Variants in SLX4IP observed in about 807,000 individuals in gnomAD.
SLX4IP encodes SLX4 interacting protein.
SLX4IP carries 34 observed loss-of-function variants against 32.9 expected under a neutral mutation model. The ratio of observed to expected loss-of-function variants is 1.03; its 90% CI spans 0.79 to 1.38. The LOEUF is 1.38. Ranked by LOEUF, SLX4IP falls within the 40% of genes most tolerant of loss-of-function variation. SLX4IP has a pLI of 0.00. For missense variants in SLX4IP, 444 were observed against 479.0 expected (o/e 0.93, Z 0.68); for synonymous variants, 172 against 171.7 (o/e 1.00, Z -0.01).
Position 10,556,304 on chromosome 20 carries a change from C to T in SLX4IP, c.101C>T (p.Ser34Phe). ...TCAAACAAAGATACAAGCTGGTTTT[C>T]TGAACAGAAGAAAGAGGTACAACAA... ...QGSNKDTSWF[S>F]EQKKEEVCLL... The change falls in exon 3 of 8, where the codon TCT (serine) becomes TTT (phenylalanine). Residue 34 changes from serine (S) to phenylalanine (F), a missense_variant. Ser to Phe is a radical substitution (Grantham distance 155, BLOSUM62 -2). Coordinates refer to ENST00000334534, the MANE Select transcript of SLX4IP (RefSeq NM_001009608.3). 1 of 1,613,200 alleles carries T rather than the reference C, an allele frequency of 6.2e-7. No homozygotes were observed. The highest frequency in any genetic ancestry group is 1.3e-5 in the African/African-American group (1 of 74,966).
intron 3 of SLX4IP, among the ~76,000 whole-genome samples, chr20:10,559,717 A>G (rs2066309456): frequency 6.6e-6 from 1 of 152,232 alleles, no homozygotes; most frequent in African/African-American, 2.4e-5. Flanking sequence ...ACACCAAAAC[A>G]ATAAAACAAT....
intron 1 of SLX4IP, among the ~76,000 whole-genome samples, chr20:10,447,563 T>C (rs372610606): frequency 6.6e-6 from 1 of 152,190 alleles, no homozygotes; most frequent in African/African-American, 2.4e-5. Flanking sequence ...TTTCTACTGG[T>C]TCATCATTAA....
At chr20:10,539,954 A>G (rs2066084944) in intron 2 of SLX4IP, among the ~76,000 whole-genome samples, 1 of 152,330 alleles carries the variant, frequency 6.6e-6, no homozygotes, top group Admixed American at 6.5e-5. Context: ...CTAGACCAGC[A>G]GCATCAGCAT....
chr20:10,588,738 G>T (rs1228431457), intron 4 of SLX4IP, among the ~76,000 whole-genome samples: 2 of 152,160 alleles, frequency 1.3e-5, no homozygotes, highest in Non-Finnish European at 2.9e-5. Flanking sequence ...AATGATGATT[G>T]CCAGAGGCAG....
At chr20:10,596,510 T>A (rs1207936498) in intron 4 of SLX4IP, among the ~76,000 whole-genome samples, 1 of 152,190 alleles carries the variant, frequency 6.6e-6, no homozygotes, top group Non-Finnish European at 1.5e-5. Flanking sequence ...GTTACAGGCA[T>A]GAGCACCACA....
chr20:10,598,815 A>G (rs2066806380), intron 5 of SLX4IP, 63 bp downstream of exon 5: 1 of 1,528,788 alleles, frequency 6.5e-7, no homozygotes. Flanking sequence ...TAGATAGAGA[A>G]GGGATGAAAA....
chr20:10,503,519 G>A (rs1255341047), intron 2 of SLX4IP, among the ~76,000 whole-genome samples: 1 of 152,218 alleles, frequency 6.6e-6, no homozygotes, highest in African/African-American at 2.4e-5. Flanking sequence ...GCTTTTGCAA[G>A]CAGCTTTGCT....
intron 4 of SLX4IP, among the ~76,000 whole-genome samples, chr20:10,597,277 C>A (rs183144674): frequency 2.6e-5 from 4 of 152,356 alleles, no homozygotes; most frequent in African/African-American, 9.6e-5. Context: ...ACCCTCACCC[C>A]ACTCTGGTGG....
chr20:10,543,492 G>A (rs1002298854), intron 2 of SLX4IP, among the ~76,000 whole-genome samples: 3 of 152,186 alleles, frequency 2.0e-5, no homozygotes, highest in African/African-American at 4.8e-5. Context: ...ACTGATGAAA[G>A]TGCAGATGGA....
At chr20:10,508,479 G>C (rs2065777999) in intron 2 of SLX4IP, among the ~76,000 whole-genome samples, 1 of 152,170 alleles carries the variant, frequency 6.6e-6, no homozygotes, top group Non-Finnish European at 1.5e-5. Context: ...TGATCCTGAA[G>C]TATCTCACAG....
intron 2 of SLX4IP, among the ~76,000 whole-genome samples, chr20:10,474,736 C>T (rs574837587): frequency 3.3e-5 from 5 of 152,324 alleles, no homozygotes; most frequent in Non-Finnish European, 7.4e-5. Context: ...GCCAAACTTC[C>T]GAAGTGAAAA....
At chr20:10,555,029 A>G (rs1012000024) in intron 2 of SLX4IP, among the ~76,000 whole-genome samples, 22 of 152,260 alleles carry the variant, frequency 1.4e-4, no homozygotes, top group African/African-American at 5.3e-4. Context: ...TATTCCAAAG[A>G]TCAGGAAGAT....
chr20:10,524,954 A>T (rs1568723778), intron 2 of SLX4IP, among the ~76,000 whole-genome samples: 1 of 152,104 alleles, frequency 6.6e-6, no homozygotes, highest in African/African-American at 2.4e-5. Context: ...CGTAACAGCC[A>T]CTTAACTAGT....
At position 10,558,658 on chromosome 20, in the gene SLX4IP, CCAAA is replaced by C. The variant is rs1462097622; in HGVS notation, c.118-2039_118-2036del. 2.6e-5 allele frequency among the ~76,000 whole-genome samples: 4 copies of C among 152,214 alleles called. No homozygotes were observed. In the Middle Eastern group the frequency reaches 0.01, roughly 391 times the overall value. ...AGTGCAGCACGAGTAGTCTTTGTAC[CCAAA>C]CAGTTGAAGTCAAACTGTTCCATGT... On this transcript the variant is annotated intron_variant, in intron 3 of 7. Coordinates refer to ENST00000334534, the MANE Select transcript of SLX4IP (RefSeq NM_001009608.3).
intron 1 of SLX4IP, among the ~76,000 whole-genome samples, chr20:10,453,721 AC>A (rs1455669325): frequency 7.0e-6 from 1 of 143,162 alleles, no homozygotes; most frequent in African/African-American, 2.5e-5. Context: ...ACCTCCTACT[AC>A]CCCCCAACGC....
chr20:10,443,744 G>A (rs1159813093), intron 1 of SLX4IP, among the ~76,000 whole-genome samples: 1 of 152,202 alleles, frequency 6.6e-6, no homozygotes, highest in African/African-American at 2.4e-5. Context: ...CAGTGTTGGA[G>A]GAGGGGCCTG....
At chr20:10,610,651 A>G (rs984585158) in intron 6 of SLX4IP, among the ~76,000 whole-genome samples, 3 of 152,266 alleles carry the variant, frequency 2.0e-5, no homozygotes, top group Admixed American at 1.3e-4. Context: ...CTTTGGTCTC[A>G]GAACAAATGT....
chr20:10,479,833 G>A (rs530026544), intron 2 of SLX4IP, among the ~76,000 whole-genome samples: 10 of 150,608 alleles, frequency 6.6e-5, no homozygotes, highest in East Asian at 2.1e-4. Flanking sequence ...GTGAAACCCC[G>A]CCTCTACTAA....
chr20:10,606,638 T>TA (rs2122555151), intron 6 of SLX4IP, among the ~76,000 whole-genome samples: 1 of 152,298 alleles, frequency 6.6e-6, no homozygotes, highest in Non-Finnish European at 1.5e-5. Context: ...TGATGACCAA[T>TA]ATTGTACATA....
Sources: gnomAD v4.1 joint callset for allele counts (sites outside exome capture counted in the v4.1 genomes callset) on GRCh38, gnomAD v4.1.1 for gene constraint, MANE v1.5 for transcripts, NCBI Gene and HGNC (gene_info 2026-07-23, HGNC 2026-07-21) for gene names.